Variants in FOXP2 observed in about 807,000 individuals in gnomAD.
FOXP2 encodes forkhead box protein P2.
FOXP2 carries 12 observed loss-of-function variants against 115.8 expected under a neutral mutation model. The ratio of observed to expected loss-of-function variants is 0.10; its 90% CI spans 0.07 to 0.17. FOXP2 has a LOEUF of 0.17. Among genes scored for constraint, FOXP2 ranks in the 10% least tolerant of loss-of-function variants. The pLI is 1.00. For missense variants in FOXP2, 629 were observed against 843.5 expected, an observed-to-expected ratio of 0.75 and a Z score of 3.15; for synonymous variants, 328 against 297.7, an observed-to-expected ratio of 1.10 and a Z score of -1.05.
In FOXP2 at chr7:114,414,860, C is replaced by A; in HGVS notation, c.-511C>A. ...AGGACTTGAGAGACTCAAACTGGTG[C>A]TTTTGTCTCTCTCTCTCTGTCTTTC... is the stretch of plus-strand genomic sequence containing the variant. On this transcript the variant is annotated 5_prime_UTR_variant, in exon 1 of 17. Transcript: ENST00000350908. The A allele has an allele frequency of 3.0e-6, 1 of 337,192 alleles. No homozygotes were observed. The highest frequency in any genetic ancestry group is 5.9e-6 in the Non-Finnish European group (1 of 170,840). The allele number at this position is 337,192 out of a possible 1,614,324, so 20.9% of individuals were successfully genotyped here.
intron 1 of FOXP2, among the ~76,000 whole-genome samples, chr7:114,093,552 G>A (rs1048731802): frequency 1.3e-5 from 2 of 152,036 alleles, no homozygotes; most frequent in Non-Finnish European, 2.9e-5. Flanking sequence ...TCGAATGAAG[G>A]AATGAATGTT....
At chr7:114,133,244 T>C (rs1791941030) in intron 1 of FOXP2, among the ~76,000 whole-genome samples, 1 of 152,186 alleles carries the variant, frequency 6.6e-6, no homozygotes, top group African/African-American at 2.4e-5. Flanking sequence ...TACTTCCTTT[T>C]TCTGAGATGG....
rs574105413 is a variant in FOXP2 at position 114,570,805 on chromosome 7, A to G, written c.258+36099A>G. On this transcript the variant is annotated intron_variant, in intron 3 of 16. Transcript: ENST00000350908. ...ACTCCTGATTCTCTTTGTTTAACCT[A>G]GGAATTGCTTCCAGAAACAAAATTA... 19 of 1,611,210 alleles carry G rather than the reference A, an allele frequency of 1.2e-5. No homozygotes were observed. In the African/African-American group the frequency reaches 2.3e-4, roughly 19 times the overall value.
chr7:114,241,932 C>G (rs1584570751), intron 1 of FOXP2, among the ~76,000 whole-genome samples: 1 of 151,012 alleles, frequency 6.6e-6, no homozygotes, highest in East Asian at 1.9e-4. Context: ...CTTCTAGTGG[C>G]CTCCCATCAT....
At chr7:114,260,955 G>C (rs555238877) in intron 1 of FOXP2, among the ~76,000 whole-genome samples, 1 of 152,054 alleles carries the variant, frequency 6.6e-6, no homozygotes, top group Admixed American at 6.6e-5. Flanking sequence ...AGATGGTTTC[G>C]GTTTGGTACA....
At chr7:114,450,341 G>A (rs559789699) in intron 2 of FOXP2, among the ~76,000 whole-genome samples, 2 of 152,162 alleles carry the variant, frequency 1.3e-5, no homozygotes, top group African/African-American at 4.8e-5. Flanking sequence ...AGACAGGCTA[G>A]GAAAGTGATG....
Position 114,689,839 on chromosome 7 carries a change from G to A in FOXP2, c.2061G>A (p.Met687Ile), listed in dbSNP as rs1808564345. 6.2e-7 allele frequency: 1 copy of A among 1,613,506 alleles called. No individual in the cohort carries two copies. The highest frequency in any genetic ancestry group is 8.5e-7 in the Non-Finnish European group (1 of 1,179,578). The change falls in exon 17 of 17, where the codon ATG becomes ATA. Residue 687 changes from methionine (M) to isoleucine (I), a missense_variant. This residue lies in a region of FOXP2 where 117 missense variants were observed against 112.3 expected (regional missense o/e 1.04). Coordinates refer to ENST00000350908, the MANE Select transcript of FOXP2 (RefSeq NM_014491.4). ...TTGCAGAGGATGAAGACTGCCCAATGTCCTTAGTGACAACAGCTAATCACA... is the reference window on the plus strand; with the variant it reads ...TTGCAGAGGATGAAGACTGCCCAATATCCTTAGTGACAACAGCTAATCACA... ...PVIAEDEDCP[M>I]SLVTTANHSP...
rs1249706709 is a variant in FOXP2, at chr7:114,262,112, C to T, written c.-101-25907C>T. Among the ~76,000 whole-genome samples the T allele has an allele frequency of 2.6e-5, 4 of 151,770 alleles. No individual in the cohort carries two copies. In the East Asian group the frequency reaches 5.8e-4, roughly 22 times the overall value. ...TCTAGGGCAGGTGTATCTGATAGAA[C>T]TTACTGCTGTGATAGAAATATTTAC... On this transcript the variant is annotated intron_variant, in intron 1 of 17. Transcript: ENST00000634411.
intron 16 of FOXP2, among the ~76,000 whole-genome samples, chr7:114,676,075 ATTTTTTTTTTTT>A (rs11327459): frequency 1.1e-5 from 1 of 89,564 alleles, no homozygotes; most frequent in South Asian, 4.2e-4. Context: ...AGGCCCGGCT[ATTTTTTTTTTTT>A]TTTTTTTTTT....
At chr7:114,432,751 C>A (rs1482224242) in intron 2 of FOXP2, among the ~76,000 whole-genome samples, 4 of 151,844 alleles carry the variant, frequency 2.6e-5, no homozygotes, top group Non-Finnish European at 5.9e-5. Context: ...TTTCAGTAAT[C>A]CCTAAAGAAG....
chr7:114,389,965 T>C (rs2129193967), intron 2 of FOXP2, among the ~76,000 whole-genome samples: 1 of 140,172 alleles, frequency 7.1e-6, no homozygotes, highest in Middle Eastern at 3.9e-3. Flanking sequence ...CGGAGGTTGC[T>C]GATAGCTGAG....
intron 3 of FOXP2, among the ~76,000 whole-genome samples, chr7:114,552,188 A>G (rs1800241577): frequency 1.3e-5 from 2 of 152,210 alleles, no homozygotes; most frequent in Admixed American, 1.3e-4. Context: ...TTTAGGGTAT[A>G]GCTTACTTTA....
intron 10 of FOXP2, chr7:114,656,522 A>G: frequency 2.2e-6 from 1 of 452,654 alleles, no homozygotes; most frequent in Non-Finnish European, 4.4e-6. Flanking sequence ...TACATCCCAG[A>G]GAAGCTTACA....
At chr7:114,121,413 C>G (rs565782324) in intron 1 of FOXP2, among the ~76,000 whole-genome samples, 1 of 152,006 alleles carries the variant, frequency 6.6e-6, no homozygotes, top group Non-Finnish European at 1.5e-5. Context: ...CCCAAACTGA[C>G]AAAGACAGAA....
chr7:114,377,318 TG>T (rs1792165135), intron 2 of FOXP2, among the ~76,000 whole-genome samples: 1 of 152,132 alleles, frequency 6.6e-6, no homozygotes, highest in Non-Finnish European at 1.5e-5. Flanking sequence ...ATATTTTTAT[TG>T]GGTAAAAAGG....
intron 13 of FOXP2, 90 bp downstream of exon 13, chr7:114,659,763 AGT>A: frequency 1.0e-6 from 1 of 972,246 alleles, no homozygotes; most frequent in South Asian, 1.3e-5. Flanking sequence ...TAAGCAGATT[AGT>A]ATCTGCTTCC....
intron 1 of FOXP2, among the ~76,000 whole-genome samples, chr7:114,186,775 T>C (rs1022807768): frequency 1.3e-5 from 2 of 152,184 alleles, no homozygotes; most frequent in African/African-American, 4.8e-5. Context: ...GGTCATGCAC[T>C]GTATACATCT....
Position 114,477,491 on chromosome 7 carries a change from G to C in FOXP2, c.168+50812G>C, listed in dbSNP as rs143256065. ...GACATACAGACACTGGGGACTACTA[G>C]AGCGAGAAGGGAGGGAAGTGGGTGT... On this transcript the variant is annotated intron_variant, in intron 2 of 16. Coordinates refer to ENST00000350908, the MANE Select transcript of FOXP2 (RefSeq NM_014491.4). Among the ~76,000 whole-genome samples, 888 of 151,984 alleles carry C rather than the reference G, an allele frequency of 5.8e-3. 7 individuals carry two copies. Among genetic ancestry groups the C allele is most frequent in the African/African-American group, 0.02 (825 of 41,504 alleles).
At chr7:114,549,794 A>G (rs948893783) in intron 3 of FOXP2, among the ~76,000 whole-genome samples, 1 of 152,204 alleles carries the variant, frequency 6.6e-6, no homozygotes, top group African/African-American at 2.4e-5. Flanking sequence ...AAATTAAAAA[A>G]AAATAGTATA....
Sources: gnomAD v4.1 joint callset for allele counts (sites outside exome capture counted in the v4.1 genomes callset) on GRCh38, gnomAD v4.1.1 for gene constraint, gnomAD v4.1.1 regional missense constraint, MANE v1.5 for transcripts, NCBI Gene and HGNC (gene_info 2026-07-23, HGNC 2026-07-21) for gene names.